The following HDAC9 variants were observed in gnomAD, a reference collection of about 807,000 sequenced individuals.
HDAC9 encodes the protein histone deacetylase 9, also known as MEF-2 interacting transcription repressor (MITR) protein.
In HDAC9, 41 loss-of-function variants were observed where a neutral mutation model predicts 139.4. The ratio of observed to expected loss-of-function variants is 0.29; its 90% CI spans 0.23 to 0.38. The LOEUF is 0.38. Ranked by LOEUF, HDAC9 falls within the 10% of genes least tolerant of loss-of-function variation. The pLI is 1.00. For missense variants in HDAC9, 1,147 were observed against 1,297.0 expected, an observed-to-expected ratio of 0.88 and a Z score of 1.78; for synonymous variants, 517 against 476.2, an observed-to-expected ratio of 1.09 and a Z score of -1.12.
In HDAC9 at chr7:18,978,063, C is replaced by T. The variant is rs570524628; in HGVS notation, c.3170+2110C>T. Among the ~76,000 whole-genome samples, 133 of 152,012 alleles carry T rather than the reference C, an allele frequency of 8.7e-4. 1 individual carries two copies. Among genetic ancestry groups the T allele is most frequent in the African/African-American group, 3.0e-3 (125 of 41,468 alleles). On this transcript the variant is annotated intron_variant, in intron 25 of 25. Transcript: ENST00000686413. ...CTACTCAAACAGGAAAGATGGCTTT[C>T]AAAATGAGATAAAGTGGCGGAAACG...
chr7:18,943,682 G>A (rs368680667), intron 23 of HDAC9, among the ~76,000 whole-genome samples: 7 of 151,918 alleles, frequency 4.6e-5, no homozygotes, highest in East Asian at 3.9e-4. Flanking sequence ...TAATAATCTC[G>A]GAGTCTGACT....
chr7:18,567,651 C>T (rs1822816177), intron 2 of HDAC9, among the ~76,000 whole-genome samples: 2 of 152,024 alleles, frequency 1.3e-5, no homozygotes, highest in South Asian at 2.1e-4. Flanking sequence ...TTTAAATTTG[C>T]ATTAATATCT....
At chr7:18,782,868 GC>G (rs994567417) in intron 16 of HDAC9, among the ~76,000 whole-genome samples, 9 of 151,976 alleles carry the variant, frequency 5.9e-5, no homozygotes, top group African/African-American at 2.2e-4. Flanking sequence ...GAATGAACTT[GC>G]CCGTGTTTGA....
chr7:18,664,479 A>G (rs1794208269), intron 11 of HDAC9, among the ~76,000 whole-genome samples: 1 of 152,162 alleles, frequency 6.6e-6, no homozygotes, highest in East Asian at 1.9e-4. Flanking sequence ...AAATTGTATC[A>G]TCTACTTTAA....
At chr7:18,498,550 G>T (rs533321961) in intron 2 of HDAC9, among the ~76,000 whole-genome samples, 1 of 152,198 alleles carries the variant, frequency 6.6e-6, no homozygotes, top group Non-Finnish European at 1.5e-5. Context: ...TACAAATCTT[G>T]TTCAGCTCCC....
intron 2 of HDAC9, among the ~76,000 whole-genome samples, chr7:18,184,675 C>G (rs1789765495): frequency 6.6e-6 from 1 of 152,122 alleles, no homozygotes; most frequent in Non-Finnish European, 1.5e-5. Flanking sequence ...CTTATATTAA[C>G]CAGATCAAAT....
chr7:18,995,871 A>C (rs1370526380), intron 25 of HDAC9, among the ~76,000 whole-genome samples, 152 bp from the exon 26 acceptor site: 1 of 152,120 alleles, frequency 6.6e-6, no homozygotes, highest in African/African-American at 2.4e-5. Flanking sequence ...ATTTGTTTAT[A>C]CTTCCTAGGA....
chr7:18,748,945 A>T (rs1386670140), intron 13 of HDAC9, 60 bp from the exon 14 acceptor site: 14 of 1,489,008 alleles, frequency 9.4e-6, no homozygotes, highest in Non-Finnish European at 1.3e-5. Flanking sequence ...TTATCTCCTA[A>T]CATGTGTCAT....
intron 1 of HDAC9, among the ~76,000 whole-genome samples, chr7:18,333,652 A>G (rs543739872): frequency 1.6e-4 from 24 of 151,612 alleles, no homozygotes; most frequent in African/African-American, 4.6e-4. Flanking sequence ...TGGCAAATAT[A>G]TTAGTATTAA....
chr7:18,801,552 C>A (rs1033900498), intron 17 of HDAC9, among the ~76,000 whole-genome samples: 1 of 151,908 alleles, frequency 6.6e-6, no homozygotes, highest in Non-Finnish European at 1.5e-5. Context: ...GTCTGTAATT[C>A]TTATAAAGAC....
chr7:18,375,418 G>A (rs372349588), intron 1 of HDAC9, among the ~76,000 whole-genome samples: 256 of 152,076 alleles, frequency 1.7e-3, no homozygotes, highest in African/African-American at 5.6e-3. Flanking sequence ...GCAGTGAGCC[G>A]AGATCACGCC....
intron 25 of HDAC9, among the ~76,000 whole-genome samples, chr7:18,995,309 A>G (rs1274433842): frequency 6.6e-6 from 1 of 152,178 alleles, no homozygotes; most frequent in African/African-American, 2.4e-5. Flanking sequence ...TCCTCCTACA[A>G]TTTATTCTTT....
chr7:18,906,086 A>G (rs892583493), intron 22 of HDAC9, among the ~76,000 whole-genome samples: 1 of 147,670 alleles, frequency 6.8e-6, no homozygotes, highest in Non-Finnish European at 1.5e-5. Context: ...TCATTGACCC[A>G]TAACCTCTGC....
At chr7:18,850,610 C>T (rs561615271) in intron 21 of HDAC9, among the ~76,000 whole-genome samples, 2 of 152,192 alleles carry the variant, frequency 1.3e-5, no homozygotes, top group Non-Finnish European at 2.9e-5. Context: ...GAAAATCACA[C>T]AGGAAATTAT....
intron 12 of HDAC9, among the ~76,000 whole-genome samples, chr7:18,689,809 T>G (rs954463948): frequency 6.6e-6 from 1 of 151,950 alleles, no homozygotes; most frequent in African/African-American, 2.4e-5. Context: ...TGGCTTAAAA[T>G]AAGCATTTTT....
At chr7:18,732,306 G>A (rs192432507) in intron 13 of HDAC9, among the ~76,000 whole-genome samples, 1 of 152,162 alleles carries the variant, frequency 6.6e-6, no homozygotes, top group East Asian at 1.9e-4. Flanking sequence ...CCACTCAGAG[G>A]TAACCTCTAT....
chr7:18,823,766 CT>C (rs1795164202), intron 17 of HDAC9, among the ~76,000 whole-genome samples: 1 of 151,894 alleles, frequency 6.6e-6, no homozygotes, highest in African/African-American at 2.4e-5. Flanking sequence ...ATCACTTGAG[CT>C]CAGGAGTTTG....
At chr7:18,939,981 G>A (rs553886565) in intron 23 of HDAC9, among the ~76,000 whole-genome samples, 32 of 152,186 alleles carry the variant, frequency 2.1e-4, no homozygotes, top group Non-Finnish European at 2.9e-4. Flanking sequence ...TTATTCATGT[G>A]CAGAGGATTA....
At chr7:18,308,731 A>G (rs639424) in intron 1 of HDAC9, among the ~76,000 whole-genome samples, 29,548 of 151,996 alleles carry the variant, frequency 0.19, 3,099 homozygotes, top group African/African-American at 0.26. Flanking sequence ...GTGTGTATAT[A>G]TATCTGTAGG....
Sources: gnomAD v4.1 joint callset for allele counts (sites outside exome capture counted in the v4.1 genomes callset) on GRCh38, gnomAD v4.1.1 for gene constraint, MANE v1.5 for transcripts, NCBI Gene and HGNC (gene_info 2026-07-23, HGNC 2026-07-21) for gene names.